Variants in SEC61A2 observed in about 807,000 individuals in gnomAD.
The protein encoded by SEC61A2 is protein transport protein Sec61 subunit alpha isoform 2.
In SEC61A2, 28 loss-of-function variants were observed where a neutral mutation model predicts 59.9. The observed-to-expected ratio is 0.47, with a 90% confidence interval of 0.35 to 0.64. The LOEUF is 0.64. Ranked by LOEUF, SEC61A2 falls within the 30% of genes least tolerant of loss-of-function variation. The probability of loss-of-function intolerance (pLI) is 0.01; values close to 1 mark genes in which losing one functional copy is unlikely to be tolerated. For synonymous variants in SEC61A2, 202 were observed against 214.4 expected, an observed-to-expected ratio of 0.94 and a Z score of 0.50; for missense variants, 340 against 585.9, an observed-to-expected ratio of 0.58 and a Z score of 4.33.
At chr10:12,130,015 C>T (rs966824889) in intron 1 of SEC61A2, among the ~76,000 whole-genome samples, 1 of 152,120 alleles carries the variant, frequency 6.6e-6, no homozygotes, top group Non-Finnish European at 1.5e-5. Context: ...CCGGGGTTTG[C>T]GTTTGATAGA....
chr10:12,152,010 A>G lies in SEC61A2; in HGVS notation c.462+2049A>G, dbSNP rs933667524. ...ATATCCAGGAAAGTTATGCTGTTCA[A>G]GTATTTATTTAGCATTGTTAACAAT... On this transcript the variant is annotated intron_variant, in intron 6 of 11. Coordinates refer to ENST00000298428, the MANE Select transcript of SEC61A2 (RefSeq NM_018144.4). The surrounding 1 kb of genome is among the most constrained non-coding windows in gnomAD (Gnocchi z 5.5). Among the ~76,000 whole-genome samples the G allele has an allele frequency of 3.9e-5, 6 of 152,218 alleles. No homozygotes were observed. Among genetic ancestry groups the G allele is most frequent in the African/African-American group, 1.4e-4 (6 of 41,458 alleles).
At chr10:12,138,454 T>G (rs1200258699) in intron 3 of SEC61A2, among the ~76,000 whole-genome samples, 2 of 152,162 alleles carry the variant, frequency 1.3e-5, no homozygotes, top group Non-Finnish European at 2.9e-5. Context: ...TTTGACAAAT[T>G]TGTACACCCA....
chr10:12,157,792 T>C (rs1834437549), intron 8 of SEC61A2, 116 bp from the exon 9 acceptor site: 5 of 940,816 alleles, frequency 5.3e-6, no homozygotes, highest in Middle Eastern at 2.6e-4. Flanking sequence ...TGAGCCCCTG[T>C]GCCCGGCCGG....
downstream of SEC61A2, chr10:12,167,627 T>G (rs373208986): frequency 7.2e-7 from 1 of 1,397,018 alleles, no homozygotes; most frequent in African/African-American, 1.4e-5. Context: ...TACATTAAAC[T>G]AAGTTGAATA....
downstream of SEC61A2, among the ~76,000 whole-genome samples, chr10:12,169,014 C>T (rs972643996): frequency 6.6e-6 from 1 of 152,162 alleles, no homozygotes; most frequent in Non-Finnish European, 1.5e-5. The surrounding 1 kb of genome is among the most constrained non-coding windows in gnomAD (Gnocchi z 4.8). Context: ...CAGCCTACCT[C>T]GGCCTCCCAA....
Position 12,143,253 on chromosome 10 carries a change from T to G in SEC61A2, c.220+58T>G. On this transcript the variant is annotated intron_variant, in intron 4 of 11. Coordinates refer to ENST00000298428, the MANE Select transcript of SEC61A2 (RefSeq NM_018144.4). The surrounding 1 kb of genome is among the most constrained non-coding windows in gnomAD (Gnocchi z 4.8). Reference sequence around the variant, plus strand: ...CTCACAGCAAACAGATGGAAACATGTGGATTAGCAATGAGTTTTCAATGTC... The same window carrying G: ...CTCACAGCAAACAGATGGAAACATGGGGATTAGCAATGAGTTTTCAATGTC... The G allele has an allele frequency of 8.0e-7, 1 of 1,250,922 alleles. No homozygotes were observed. Among genetic ancestry groups the G allele is most frequent in the South Asian group, 1.2e-5 (1 of 83,964 alleles). 77.5% of individuals were successfully genotyped at this position (1,250,922 alleles called of 1,614,324 possible). A position where few individuals can be genotyped will look rare whatever the true frequency, so the allele number is the denominator to read the frequency against.
Position 12,153,749 on chromosome 10 carries a change from A to G in SEC61A2, c.463-2029A>G, listed in dbSNP as rs753525094. 1.6e-5 allele frequency: 26 copies of G among 1,611,440 alleles called. No individual in the cohort carries two copies. Among genetic ancestry groups the G allele is most frequent in the Non-Finnish European group, 2.0e-5 (24 of 1,179,482 alleles). On this transcript the variant is annotated intron_variant, in intron 6 of 11. Coordinates refer to ENST00000298428, the MANE Select transcript of SEC61A2 (RefSeq NM_018144.4). This position sits in a 1 kb window ranked among gnomAD's most constrained non-coding sequence, Gnocchi z 5.2. Reference sequence around the variant, plus strand: ...GGTGTCTTTTCAAGGCGTTACTAACATTGAAAATATGTGGATACACTGAAG... The same window carrying G: ...GGTGTCTTTTCAAGGCGTTACTAACGTTGAAAATATGTGGATACACTGAAG...
intron 2 of SEC61A2, among the ~76,000 whole-genome samples, chr10:12,135,889 GTA>G (rs1176915695): frequency 1.3e-5 from 2 of 152,132 alleles, no homozygotes; most frequent in Non-Finnish European, 2.9e-5. Flanking sequence ...ATGTGTGTCT[GTA>G]TATATGTGTG....
chr10:12,132,465 T>C (rs1833774576), intron 1 of SEC61A2, among the ~76,000 whole-genome samples: 1 of 150,714 alleles, frequency 6.6e-6, no homozygotes, highest in Non-Finnish European at 1.5e-5. Context: ...AATAAAAAAA[T>C]TAGCTGGGCT....
At chr10:12,169,272 T>G, downstream of SEC61A2, 1 of 1,552,110 alleles carries the variant, frequency 6.4e-7, no homozygotes, top group South Asian at 1.2e-5. This position sits in a 1 kb window ranked among gnomAD's most constrained non-coding sequence, Gnocchi z 4.8. Context: ...AAAGTGAAGT[T>G]AAGAAGGTGG....
chr10:12,163,144 C>T (rs957330236), intron 11 of SEC61A2, among the ~76,000 whole-genome samples: 5 of 152,080 alleles, frequency 3.3e-5, no homozygotes, highest in African/African-American at 1.2e-4. Flanking sequence ...TCCACTGCTG[C>T]CTGTCCTCGC....
rs773455104 is a variant in SEC61A2 at position 12,156,881 on chromosome 10, A to G, written c.617-26A>G. Reference sequence around the variant, plus strand: ...GGACAGCTTTGGACGATGAGTCCACAGGTCGTGTCTGTCTTGATTTTACAG... The same window carrying G: ...GGACAGCTTTGGACGATGAGTCCACGGGTCGTGTCTGTCTTGATTTTACAG... On this transcript the variant is annotated intron_variant, in intron 7 of 11. Coordinates refer to ENST00000298428, the MANE Select transcript of SEC61A2 (RefSeq NM_018144.4). The surrounding 1 kb of genome is among the most constrained non-coding windows in gnomAD (Gnocchi z 5.2). 1.1e-5 allele frequency: 17 copies of G among 1,611,270 alleles called. No homozygotes were observed. The highest frequency in any genetic ancestry group is 1.2e-5 in the Non-Finnish European group (14 of 1,179,182).
At chr10:12,138,761 C>T (rs111411500) in intron 3 of SEC61A2, among the ~76,000 whole-genome samples, 59 of 152,276 alleles carry the variant, frequency 3.9e-4, no homozygotes, top group African/African-American at 1.4e-3. Context: ...TTCATTCATT[C>T]GCTTGTTAGA....
rs755785613 is a variant in SEC61A2, at chr10:12,156,251, G to T, written c.616+320G>T. 6.6e-6 allele frequency among the ~76,000 whole-genome samples: 1 copy of T among 152,218 alleles called. No homozygotes were observed. Among genetic ancestry groups the T allele is most frequent in the African/African-American group, 2.4e-5 (1 of 41,460 alleles). On this transcript the variant is annotated intron_variant, in intron 7 of 11. Coordinates refer to ENST00000298428, the MANE Select transcript of SEC61A2 (RefSeq NM_018144.4). The surrounding 1 kb of genome is among the most constrained non-coding windows in gnomAD (Gnocchi z 5.2). ...TGACTGATTTCAGCATCCGTAGGGG[G>T]ATAAAAAGGTAGTGGATTTTAGATT...
intron 6 of SEC61A2, 72 bp downstream of exon 6, chr10:12,150,033 T>G (rs1834239047): frequency 1.0e-6 from 1 of 971,470 alleles, no homozygotes; most frequent in Non-Finnish European, 1.6e-6. Context: ...TAACAGTTCT[T>G]TAGGTGATTG....
Position 12,154,898 on chromosome 10 carries a change from TAA to T in SEC61A2, c.463-878_463-877del, listed in dbSNP as rs1230933348. ...CCTCACTTCTGCCGGAGGGTGTCTT[TAA>T]AGTGGGGACATGTGTGAGGTTGGGG... On this transcript the variant is annotated intron_variant, in intron 6 of 11. Transcript: ENST00000298428. The surrounding 1 kb of genome is among the most constrained non-coding windows in gnomAD (Gnocchi z 5.2). Among the ~76,000 whole-genome samples, 1 of 152,134 alleles carries T rather than the reference TAA, an allele frequency of 6.6e-6. No homozygotes were observed. The highest frequency in any genetic ancestry group is 2.4e-5 in the African/African-American group (1 of 41,420).
rs768232133 is a variant in SEC61A2 at position 12,156,947 on chromosome 10, G to C, written c.657G>C (p.Leu219Phe). The change falls in exon 8 of 12, where the codon TTG becomes TTC. Residue 219 changes from leucine to phenylalanine, a missense_variant. This residue lies in a region of SEC61A2 where 283 missense variants were observed against 483.2 expected (regional missense o/e 0.59). Transcript: ENST00000298428. This position sits in a 1 kb window ranked among gnomAD's most constrained non-coding sequence, Gnocchi z 5.2. Reference sequence around the variant, plus strand: ...GTGCAGTCATAGCTCTGTTCCATTTGTTGGCCACCAGGACGGACAAAGTCC... The same window carrying C: ...GTGCAGTCATAGCTCTGTTCCATTTCTTGGCCACCAGGACGGACAAAGTCC... ...FEGAVIALFH[L>F]LATRTDKVRA... is the part of the protein sequence containing the mutation. 3 of 1,613,974 alleles carry C rather than the reference G, an allele frequency of 1.9e-6. No homozygotes were observed. The highest frequency in any genetic ancestry group is 1.1e-5 in the South Asian group (1 of 91,078).
At chr10:12,157,828 T>A in intron 8 of SEC61A2, 80 bp from the exon 9 acceptor site, 1 of 1,345,596 alleles carries the variant, frequency 7.4e-7, no homozygotes. Flanking sequence ...CCCCGCACTG[T>A]TCTTTGTTTT....
At chr10:12,157,174 C>A in intron 8 of SEC61A2, 107 bp downstream of exon 8, 2 of 1,126,752 alleles carry the variant, frequency 1.8e-6, no homozygotes, top group Non-Finnish European at 1.3e-6. Context: ...GGTTTAAGAT[C>A]AAGGGAAATA....
Sources: allele counts gnomAD v4.1 joint callset (sites outside exome capture counted in the v4.1 genomes callset), GRCh38; gene constraint gnomAD v4.1.1; regional missense constraint gnomAD v4.1.1; non-coding constraint Gnocchi (gnomAD v3.1); transcripts MANE v1.5; gene names NCBI Gene and HGNC (gene_info 2026-07-23, HGNC 2026-07-21).